Variants in ACOXL observed in about 807,000 individuals in gnomAD.
ACOXL encodes acyl-coenzyme A oxidase-like protein.
In ACOXL, 70 loss-of-function variants were observed where a neutral mutation model predicts 71.9. The observed-to-expected ratio is 0.97, with a 90% confidence interval of 0.80 to 1.19. The LOEUF is 1.19. ACOXL is among the 50% of genes most tolerant of loss of function. The pLI, the probability that ACOXL is intolerant of heterozygous loss-of-function variation, is 0.00. For missense variants in ACOXL, 703 were observed against 736.3 expected (o/e 0.95, Z 0.52); for synonymous variants, 253 against 281.6 (o/e 0.90, Z 1.02).
At chr2:110,957,597 G>T (rs754067067) in intron 12 of ACOXL, among the ~76,000 whole-genome samples, 1 of 152,144 alleles carries the variant, frequency 6.6e-6, no homozygotes, top group East Asian at 1.9e-4. Context: ...GTCTTCACAC[G>T]TTCCTCTGTG....
At chr2:111,023,377 C>T (rs1336674372) in intron 14 of ACOXL, among the ~76,000 whole-genome samples, 2 of 152,172 alleles carry the variant, frequency 1.3e-5, no homozygotes, top group Non-Finnish European at 2.9e-5. Context: ...GAAATGATGG[C>T]ACTGGAAAGG....
At chr2:110,832,692 A>G (rs1458644404) in intron 9 of ACOXL, among the ~76,000 whole-genome samples, 3 of 152,224 alleles carry the variant, frequency 2.0e-5, no homozygotes, top group Admixed American at 6.5e-5. Context: ...ACAAAGGACT[A>G]GTATGTAGAA....
chr2:111,033,028 G>A (rs756615844), intron 15 of ACOXL, among the ~76,000 whole-genome samples: 7 of 152,284 alleles, frequency 4.6e-5, no homozygotes, highest in Admixed American at 1.3e-4. Flanking sequence ...TAAACGTGCC[G>A]AGAGCACAGG....
intron 5 of ACOXL, among the ~76,000 whole-genome samples, chr2:110,795,265 G>T (rs2105279541): frequency 6.6e-6 from 1 of 152,342 alleles, no homozygotes; most frequent in Admixed American, 6.5e-5. Flanking sequence ...AATGACAGAT[G>T]CAGGGGCGGG....
chr2:110,980,070 G>A (rs1281880939), intron 12 of ACOXL, among the ~76,000 whole-genome samples: 2 of 152,188 alleles, frequency 1.3e-5, no homozygotes, highest in Admixed American at 1.3e-4. Flanking sequence ...AGGCCAGGGC[G>A]GCCTCATGGC....
chr2:110,934,571 GAAAAT>G (rs530910498), intron 12 of ACOXL, among the ~76,000 whole-genome samples: 3 of 152,284 alleles, frequency 2.0e-5, no homozygotes, highest in Non-Finnish European at 4.4e-5. Flanking sequence ...GGCAGCTGTA[GAAAAT>G]AAAAGGGAAA....
intron 16 of ACOXL, among the ~76,000 whole-genome samples, chr2:111,080,320 A>G (rs551407947): frequency 7.9e-5 from 12 of 152,202 alleles, no homozygotes; most frequent in African/African-American, 2.6e-4. Context: ...TAAGGTGTCA[A>G]TTTTAGATCT....
At chr2:110,961,021 G>C (rs940872305) in intron 12 of ACOXL, among the ~76,000 whole-genome samples, 2 of 152,208 alleles carry the variant, frequency 1.3e-5, no homozygotes, top group African/African-American at 4.8e-5. Context: ...ACTCCTGTGA[G>C]GCCAGGCCTT....
chr2:111,115,170 C>T (rs2070257418), intron 17 of ACOXL, among the ~76,000 whole-genome samples: 2 of 152,120 alleles, frequency 1.3e-5, no homozygotes, highest in African/African-American at 2.4e-5. Flanking sequence ...GCTTGAAGTA[C>T]TTTGTCCAGC....
chr2:111,063,185 T>A (rs2066901631), intron 16 of ACOXL, among the ~76,000 whole-genome samples: 1 of 152,166 alleles, frequency 6.6e-6, no homozygotes, highest in Non-Finnish European at 1.5e-5. Flanking sequence ...CCAGATACTT[T>A]CAGTGGTTAA....
chr2:110,939,013 C>G (rs1236862316), intron 12 of ACOXL, among the ~76,000 whole-genome samples: 1 of 152,110 alleles, frequency 6.6e-6, no homozygotes, highest in Non-Finnish European at 1.5e-5. Context: ...GTTAGTGTGT[C>G]TAGTTTAGGA....
intron 16 of ACOXL, among the ~76,000 whole-genome samples, chr2:111,079,472 A>C (rs960943338): frequency 1.3e-5 from 2 of 152,218 alleles, no homozygotes; most frequent in African/African-American, 4.8e-5. Flanking sequence ...CTGCTTTCCC[A>C]AGTCCTGCCT....
intron 12 of ACOXL, among the ~76,000 whole-genome samples, chr2:110,946,162 C>T (rs2061099986): frequency 6.6e-6 from 1 of 152,150 alleles, no homozygotes. Context: ...AATAGCACTG[C>T]CTTTCTGATT....
chr2:110,865,513 A>G (rs1694482685), intron 10 of ACOXL, among the ~76,000 whole-genome samples: 1 of 152,224 alleles, frequency 6.6e-6, no homozygotes, highest in Admixed American at 6.5e-5. Flanking sequence ...ATTTCAAGCC[A>G]ATGAGAAGCA....
chr2:111,094,708 T>C (rs1172441591), intron 17 of ACOXL, among the ~76,000 whole-genome samples: 1 of 152,224 alleles, frequency 6.6e-6, no homozygotes, highest in African/African-American at 2.4e-5. Context: ...CTTTGGGGGA[T>C]ACATTCAAGC....
At chr2:110,935,411 G>A (rs2060624714) in intron 12 of ACOXL, among the ~76,000 whole-genome samples, 1 of 152,030 alleles carries the variant, frequency 6.6e-6, no homozygotes, top group Non-Finnish European at 1.5e-5. Context: ...CCTGGCCTCA[G>A]TGCTTGTTCT....
chr2:110,959,732 A>G (rs540752101), intron 12 of ACOXL, among the ~76,000 whole-genome samples: 3 of 152,280 alleles, frequency 2.0e-5, no homozygotes, highest in Non-Finnish European at 2.9e-5. Context: ...CAGGATCAGC[A>G]TTCAGCACCC....
intron 16 of ACOXL, among the ~76,000 whole-genome samples, chr2:111,065,639 C>T (rs1342602957): frequency 2.0e-5 from 3 of 152,108 alleles, no homozygotes; most frequent in East Asian, 1.9e-4. Context: ...ATAGTACCTA[C>T]AATATACAAG....
At chr2:110,845,604 A>G (rs1344165392) in intron 10 of ACOXL, among the ~76,000 whole-genome samples, 1 of 152,178 alleles carries the variant, frequency 6.6e-6, no homozygotes, top group African/African-American at 2.4e-5. Flanking sequence ...ACTCCTCTTC[A>G]CTTCCTGACA....
Sources: gnomAD v4.1 joint callset for allele counts (sites outside exome capture counted in the v4.1 genomes callset) on GRCh38, gnomAD v4.1.1 for gene constraint, MANE v1.5 for transcripts, NCBI Gene and HGNC (gene_info 2026-07-23, HGNC 2026-07-21) for gene names.